Variants in SH3BP5 observed in about 807,000 individuals in gnomAD.
SH3BP5 encodes the protein SH3 domain-binding protein 5.
In SH3BP5, 22 loss-of-function variants were observed where a neutral mutation model predicts 43.3. The observed-to-expected ratio is 0.51, with a 90% CI of 0.36 to 0.73. SH3BP5 has a LOEUF of 0.73. Among genes scored for constraint, SH3BP5 ranks in the 30% least tolerant of loss-of-function variants. The probability of loss-of-function intolerance (pLI) is 0.00; values close to 1 mark genes in which losing one functional copy is unlikely to be tolerated. For missense variants in SH3BP5, 529 were observed against 586.9 expected (o/e 0.90, Z 1.02); for synonymous variants, 255 against 225.8 (o/e 1.13, Z -1.16).
At position 15,309,180 on chromosome 3, in the gene SH3BP5, T is replaced by C. The variant is rs373444809; in HGVS notation, c.202-4949A>G. ...TCACACAATACATACTACTTGGTCA[T>C]AGAAATAAATACCTCCATCAGCTAA... On this transcript the variant is annotated intron_variant, in intron 2 of 8. Coordinates refer to ENST00000383791, the MANE Select transcript of SH3BP5 (RefSeq NM_004844.5). Among the ~76,000 whole-genome samples, 22 of 152,272 alleles carry C rather than the reference T, an allele frequency of 1.4e-4. No homozygotes were observed. The South Asian group carries it at 3.9e-3, about 27-fold the overall frequency.
In SH3BP5 at chr3:15,325,933, C is replaced by T. The variant is rs1348025350; in HGVS notation, c.201+4571G>A. 3.9e-5 allele frequency among the ~76,000 whole-genome samples: 6 copies of T among 152,214 alleles called. 1 individual carries two copies. In the South Asian group the frequency reaches 1.0e-3, roughly 26 times the overall value. ...ACTTGGGAGGCTGAAGCTGGAGAAT[C>T]GCTTGAACCCGGGAGGCTGAGGCTG... On this transcript the variant is annotated intron_variant, in intron 2 of 8. Coordinates refer to ENST00000383791, the MANE Select transcript of SH3BP5 (RefSeq NM_004844.5).
rs1263095298 is a variant in SH3BP5 at position 15,258,672 on chromosome 3, AAC to A, written c.889+157_889+158del. On this transcript the variant is annotated intron_variant, in intron 7 of 8. Coordinates refer to ENST00000383791, the MANE Select transcript of SH3BP5 (RefSeq NM_004844.5). ...AGGAACACTTAGTACCTTCTTAATG[AAC>A]ACAGTGTTCCATAAAACATGGGAAC... 5.0e-5 allele frequency: 31 copies of A among 617,776 alleles called. 2 individuals carry two copies. Among genetic ancestry groups the A allele is most frequent in the South Asian group, 9.9e-5 (5 of 50,454 alleles). 38.3% of individuals were successfully genotyped at this position (617,776 alleles called of 1,614,324 possible).
At chr3:15,268,682 C>T (rs2125062121) in intron 4 of SH3BP5, among the ~76,000 whole-genome samples, 1 of 152,250 alleles carries the variant, frequency 6.6e-6, no homozygotes, top group South Asian at 2.1e-4. Context: ...CAGGGGTAAC[C>T]AAGTACTGCT....
chr3:15,262,526 G>A (rs1696487144), intron 4 of SH3BP5, among the ~76,000 whole-genome samples: 1 of 152,122 alleles, frequency 6.6e-6, no homozygotes, highest in Non-Finnish European at 1.5e-5. Flanking sequence ...GCCTGGTGGT[G>A]TGCTCCTGTA....
upstream of SH3BP5, chr3:15,332,730 A>C: frequency 2.8e-5 from 26 of 944,774 alleles, no homozygotes; most frequent in Non-Finnish European, 3.2e-5. Context: ...CCACATCTCC[A>C]AGGTGGCAAA....
At chr3:15,337,272 A>T (rs555455385), upstream of SH3BP5, among the ~76,000 whole-genome samples, 26 of 151,800 alleles carry the variant, frequency 1.7e-4, no homozygotes, top group Admixed American at 1.2e-3. Flanking sequence ...TTTAGTAGAG[A>T]TGAAGTTTCA....
intron 6 of SH3BP5, 106 bp downstream of exon 6, chr3:15,259,655 T>G: frequency 9.4e-7 from 1 of 1,065,748 alleles, no homozygotes; most frequent in Non-Finnish European, 1.5e-6. Context: ...GTCTCTCCAC[T>G]TTCCCCTTAT....
At chr3:15,272,091 G>C (rs2688668) in intron 3 of SH3BP5, among the ~76,000 whole-genome samples, 2 of 151,972 alleles carry the variant, frequency 1.3e-5, no homozygotes, top group Non-Finnish European at 2.9e-5. Flanking sequence ...AGCAATTCTT[G>C]CATGACTTCG....
intron 7 of SH3BP5, among the ~76,000 whole-genome samples, chr3:15,257,882 G>T (rs980329012): frequency 6.6e-6 from 1 of 152,132 alleles, no homozygotes; most frequent in South Asian, 2.1e-4. Flanking sequence ...TTCCATAAAG[G>T]TTTCTTATAA....
At chr3:15,302,963 C>A (rs1697794773) in intron 3 of SH3BP5, among the ~76,000 whole-genome samples, 1 of 152,140 alleles carries the variant, frequency 6.6e-6, no homozygotes, top group Admixed American at 6.5e-5. Flanking sequence ...CGCCCACCAC[C>A]ATACCCGGCT....
chr3:15,298,696 G>A (rs902978386), intron 3 of SH3BP5, among the ~76,000 whole-genome samples: 1 of 152,138 alleles, frequency 6.6e-6, no homozygotes, highest in Non-Finnish European at 1.5e-5. Flanking sequence ...AGCCAGTAAC[G>A]AAATGACAAA....
Position 15,258,978 on chromosome 3 carries a change from T to C in SH3BP5, c.742A>G (p.Lys248Glu). Reference sequence around the variant, plus strand: ...TCATCTGAGATCATCTCCAGGTTCTTCAGGGCCATCTTGTACTCGCCTTTT... The same window carrying C: ...TCATCTGAGATCATCTCCAGGTTCTCCAGGGCCATCTTGTACTCGCCTTTT... The part of the protein sequence containing the change: ...LAKGEYKMAL[K>E]NLEMISDEIH... The change falls in exon 7 of 9, where the codon AAG (lysine) becomes GAG (glutamate). Residue 248 changes from lysine (K) to glutamate (E), a missense_variant. Coordinates refer to ENST00000383791, the MANE Select transcript of SH3BP5 (RefSeq NM_004844.5). The C allele has an allele frequency of 6.2e-7, 1 of 1,614,228 alleles. No individual in the cohort carries two copies. Among genetic ancestry groups the C allele is most frequent in the East Asian group, 2.2e-5 (1 of 44,890 alleles).
chr3:15,311,157 A>G (rs144295455), intron 2 of SH3BP5, among the ~76,000 whole-genome samples: 39 of 152,364 alleles, frequency 2.6e-4, no homozygotes, highest in Non-Finnish European at 4.4e-4. Flanking sequence ...TACTAATGCC[A>G]TTTACAAGTA....
rs534390306 is a variant in SH3BP5 at position 15,330,427 on chromosome 3, T to G, written c.201+77A>C. The G allele has an allele frequency of 9.8e-6, 12 of 1,228,588 alleles. No homozygotes were observed. The African/African-American group carries it at 1.6e-4, about 17-fold the overall frequency. 76.1% of individuals were successfully genotyped at this position (1,228,588 alleles called of 1,614,324 possible). ...GGGTCCAGCAATAACACTCCAGCTA[T>G]GAAGACAAAATTAACCAGCCTTGTG... On this transcript the variant is annotated intron_variant, in intron 2 of 8. Coordinates refer to ENST00000383791, the MANE Select transcript of SH3BP5 (RefSeq NM_004844.5).
chr3:15,327,706 A>G (rs1291567346), intron 2 of SH3BP5, among the ~76,000 whole-genome samples: 2 of 152,362 alleles, frequency 1.3e-5, no homozygotes, highest in Non-Finnish European at 2.9e-5. Context: ...ACATAAATGC[A>G]GTGGCCAACA....
intron 2 of SH3BP5, among the ~76,000 whole-genome samples, chr3:15,320,559 C>A (rs998928593): frequency 7.0e-6 from 1 of 143,766 alleles, no homozygotes; most frequent in Non-Finnish European, 1.5e-5. Context: ...ACCTGGGCTG[C>A]CTGCCAAAGG....
At chr3:15,315,352 T>A (rs149074777) in intron 2 of SH3BP5, among the ~76,000 whole-genome samples, 1 of 152,262 alleles carries the variant, frequency 6.6e-6, no homozygotes, top group East Asian at 1.9e-4. Flanking sequence ...TGCAGAATAG[T>A]CTAATCCCAG....
intron 8 of SH3BP5, 60 bp from the exon 9 acceptor site, chr3:15,256,363 G>GAAAT: frequency 1.3e-6 from 2 of 1,506,104 alleles, no homozygotes; most frequent in Admixed American, 1.8e-5. Flanking sequence ...GTCTCCTATA[G>GAAAT]AAATACAAAG....
rs9871997 is a variant in SH3BP5 at position 15,327,567 on chromosome 3, G to A, written c.201+2937C>T. 8.2e-3 allele frequency among the ~76,000 whole-genome samples: 1,255 copies of A among 152,234 alleles called. 17 individuals are homozygous for A. Among genetic ancestry groups the A allele is most frequent in the African/African-American group, 0.027 (1,136 of 41,546 alleles). On this transcript the variant is annotated intron_variant, in intron 2 of 8. Transcript: ENST00000383791. Reference sequence around the variant, plus strand: ...ATCTGCTCAGGTGTCCTCCAGCAGCGCCCCTCCAGTGTCTCTGTCACACTT... The same window carrying A: ...ATCTGCTCAGGTGTCCTCCAGCAGCACCCCTCCAGTGTCTCTGTCACACTT...
Sources: allele counts gnomAD v4.1 joint callset (sites outside exome capture counted in the v4.1 genomes callset), GRCh38; gene constraint gnomAD v4.1.1; transcripts MANE v1.5; gene names NCBI Gene and HGNC (gene_info 2026-07-23, HGNC 2026-07-21).